The following TENM3 variants were observed in gnomAD, a reference collection of about 807,000 sequenced individuals.
TENM3 encodes the protein teneurin transmembrane protein 3, also known as teneurin-3.
Under a neutral mutation model 255.1 loss-of-function variants are expected in TENM3, and 63 were observed. The ratio of observed to expected loss-of-function variants is 0.25; its 90% CI spans 0.20 to 0.30. TENM3 has a LOEUF of 0.30. Ranked by LOEUF, TENM3 falls within the 10% of genes least tolerant of loss-of-function variation. The pLI is 1.00. For synonymous variants in TENM3, 1,306 were observed against 1,322.3 expected (o/e 0.99, Z 0.27); for missense variants, 2,929 against 3,461.1 (o/e 0.85, Z 3.86).
chr4:181,976,044 G>C, the TENM3 span: 4 of 152,176 alleles, frequency 2.6e-5, no homozygotes, highest in Non-Finnish European at 5.9e-5. Context: ...CTGTTTGCCT[G>C]TCTGTGTGTA....
the TENM3 span, among the ~76,000 whole-genome samples, chr4:181,502,363 G>C: frequency 1.3e-5 from 2 of 152,214 alleles, no homozygotes; most frequent in African/African-American, 4.8e-5. Context: ...GGGTGGTGGA[G>C]AGGGGTGCAT....
At chr4:182,087,186 A>G in the TENM3 span, among the ~76,000 whole-genome samples, 46 of 152,186 alleles carry the variant, frequency 3.0e-4, no homozygotes, top group African/African-American at 1.1e-3. Flanking sequence ...CAGGAAAATG[A>G]CTCCCAGGAT....
chr4:181,671,857 G>A, the TENM3 span, among the ~76,000 whole-genome samples: 1 of 152,188 alleles, frequency 6.6e-6, no homozygotes, highest in Non-Finnish European at 1.5e-5. Flanking sequence ...GTCTCAGACA[G>A]GGACAGTCAT....
chr4:182,323,225 C>T (rs2150497964), intron 1 of TENM3, among the ~76,000 whole-genome samples: 1 of 152,114 alleles, frequency 6.6e-6, no homozygotes, highest in East Asian at 1.9e-4. Context: ...AGGAAACTCC[C>T]CCCATCAAAT....
chr4:182,572,787 A>G (rs1446294150), intron 3 of TENM3, among the ~76,000 whole-genome samples: 1 of 152,192 alleles, frequency 6.6e-6, no homozygotes, highest in African/African-American at 2.4e-5. Flanking sequence ...ACCAACTCAT[A>G]TTCATTGTGA....
At position 182,264,581 on chromosome 4, in the gene TENM3, G is replaced by GT. The variant is rs549524574; in HGVS notation, c.-76+21110dup. On this transcript the variant is annotated intron_variant, in intron 1 of 27. Transcript: ENST00000511685. ...CCTGTGCTGTAGCTCAGTAGCTAAG[G>GT]TTTTTGCCCTTTCCCAGTGGCGGTC... 2.0e-3 allele frequency among the ~76,000 whole-genome samples: 303 copies of GT among 152,346 alleles called. 2 individuals carry two copies. Among genetic ancestry groups the GT allele is most frequent in the African/African-American group, 6.9e-3 (285 of 41,570 alleles).
chr4:182,181,823 A>G (rs1752856233), intron 1 of TENM3, among the ~76,000 whole-genome samples: 1 of 151,984 alleles, frequency 6.6e-6, no homozygotes, highest in Non-Finnish European at 1.5e-5. Context: ...ATACTGCATA[A>G]TCAATCACTG....
chr4:182,184,642 T>C (rs1167786227), intron 1 of TENM3, among the ~76,000 whole-genome samples: 4 of 152,316 alleles, frequency 2.6e-5, no homozygotes, highest in Admixed American at 2.6e-4. Context: ...ATTTGTCATA[T>C]AGGACCCAGT....
chr4:181,790,516 C>A, the TENM3 span, among the ~76,000 whole-genome samples: 133 of 152,056 alleles, frequency 8.7e-4, 2 homozygotes, highest in African/African-American at 3.1e-3. Flanking sequence ...GTCCAAGCTG[C>A]AAAGTGTAAC....
chr4:181,861,060 G>A, the TENM3 span, among the ~76,000 whole-genome samples: 12 of 152,312 alleles, frequency 7.9e-5, no homozygotes, highest in South Asian at 2.5e-3. Context: ...ACATCATCCA[G>A]CGGTATCTTT....
chr4:182,135,065 A>G, the TENM3 span, among the ~76,000 whole-genome samples: 86,599 of 151,338 alleles, frequency 0.57, 24,801 homozygotes, highest in Admixed American at 0.63. Flanking sequence ...AATTAGCTGG[A>G]TGTGGTGATG....
the TENM3 span, among the ~76,000 whole-genome samples, chr4:181,947,082 C>T: frequency 1.3e-5 from 2 of 152,276 alleles, no homozygotes; most frequent in East Asian, 3.9e-4. Flanking sequence ...ACCATCCTAG[C>T]CGCAGGATAA....
the TENM3 span, among the ~76,000 whole-genome samples, chr4:181,460,913 G>C: frequency 6.6e-6 from 1 of 151,670 alleles, no homozygotes; most frequent in Non-Finnish European, 1.5e-5. Context: ...ATCTTATAAA[G>C]AGATTAAAAA....
chr4:181,501,069 G>C, the TENM3 span, among the ~76,000 whole-genome samples: 1 of 152,122 alleles, frequency 6.6e-6, no homozygotes, highest in Non-Finnish European at 1.5e-5. Flanking sequence ...ACCTCATAGA[G>C]TCACCAGCTG....
upstream of TENM3, chr4:182,142,366 G>C: frequency 6.1e-6 from 1 of 163,532 alleles, no homozygotes; most frequent in Admixed American, 6.5e-5. Context: ...CGGGCACTTA[G>C]CAACTTCGGG....
At chr4:182,199,504 C>T (rs547101121) in intron 1 of TENM3, among the ~76,000 whole-genome samples, 60 of 152,034 alleles carry the variant, frequency 3.9e-4, no homozygotes, top group African/African-American at 1.2e-3. Context: ...TGGTGGTTAG[C>T]GAGGAAGATT....
intron 3 of TENM3, among the ~76,000 whole-genome samples, chr4:182,461,598 A>G (rs1731992618): frequency 6.6e-6 from 1 of 152,168 alleles, no homozygotes; most frequent in African/African-American, 2.4e-5. Flanking sequence ...TGTTAGATGA[A>G]TTATAAAAGC....
chr4:182,205,248 C>T (rs959847213), intron 1 of TENM3, among the ~76,000 whole-genome samples: 4 of 152,258 alleles, frequency 2.6e-5, no homozygotes, highest in African/African-American at 9.6e-5. Context: ...ACAACTGCTG[C>T]TTTGTGACTA....
chr4:182,275,428 A>G (rs1001793033), intron 1 of TENM3, among the ~76,000 whole-genome samples: 2 of 152,124 alleles, frequency 1.3e-5, no homozygotes, highest in Non-Finnish European at 2.9e-5. Flanking sequence ...TTGTGGAAAC[A>G]TTACTTGGCT....
Sources: gnomAD v4.1 joint callset for allele counts (sites outside exome capture counted in the v4.1 genomes callset) on GRCh38, gnomAD v4.1.1 for gene constraint, MANE v1.5 for transcripts, NCBI Gene and HGNC (gene_info 2026-07-23, HGNC 2026-07-21) for gene names.